Variants in CRYL1 observed in about 807,000 individuals in gnomAD.
The protein encoded by CRYL1 is lambda-crystallin homolog.
A neutral mutation model predicts 36.6 loss-of-function variants in CRYL1; 29 were observed. The observed-to-expected ratio is 0.79, with a 90% CI of 0.59 to 1.08. The LOEUF is 1.08. Among genes scored for constraint, CRYL1 ranks in the 50% least tolerant of loss-of-function variants. CRYL1 has a pLI of 0.00. For missense variants in CRYL1, 411 were observed against 407.9 expected, an observed-to-expected ratio of 1.01 and a Z score of -0.06; for synonymous variants, 152 against 151.5, an observed-to-expected ratio of 1.00 and a Z score of -0.02.
chr13:20,456,469 C>T (rs1246115180), intron 3 of CRYL1, among the ~76,000 whole-genome samples: 3 of 137,846 alleles, frequency 2.2e-5, no homozygotes, highest in African/African-American at 5.5e-5. Flanking sequence ...AGTGAGACTC[C>T]GTCTCAAAAC....
intron 3 of CRYL1, among the ~76,000 whole-genome samples, chr13:20,472,008 C>T (rs1424631977): frequency 6.6e-6 from 1 of 152,044 alleles, no homozygotes; most frequent in Non-Finnish European, 1.5e-5. Flanking sequence ...TTACAGGCGC[C>T]CACCAACATG....
chr13:20,460,162 C>A (rs2032777463), intron 3 of CRYL1, among the ~76,000 whole-genome samples: 1 of 152,124 alleles, frequency 6.6e-6, no homozygotes, highest in Non-Finnish European at 1.5e-5. Context: ...TTAACCATTT[C>A]TTTATCTGCA....
intron 3 of CRYL1, among the ~76,000 whole-genome samples, chr13:20,457,325 C>G (rs775676883): frequency 6.6e-6 from 1 of 152,160 alleles, no homozygotes; most frequent in Non-Finnish European, 1.5e-5. Flanking sequence ...TTGCCCTGTT[C>G]CAATTAATGG....
intron 5 of CRYL1, among the ~76,000 whole-genome samples, chr13:20,423,273 A>T (rs1398038807): frequency 1.3e-5 from 2 of 152,162 alleles, no homozygotes; most frequent in African/African-American, 4.8e-5. Flanking sequence ...TCTCTTGCCT[A>T]ATTGCTATGG....
At chr13:20,511,771 C>G (rs180804540) in intron 2 of CRYL1, among the ~76,000 whole-genome samples, 1 of 152,208 alleles carries the variant, frequency 6.6e-6, no homozygotes, top group African/African-American at 2.4e-5. Flanking sequence ...CTTCTGGGCA[C>G]GCTGCAATGG....
chr13:20,486,201 G>A (rs1565980094), intron 3 of CRYL1, among the ~76,000 whole-genome samples: 1 of 152,120 alleles, frequency 6.6e-6, no homozygotes, highest in Non-Finnish European at 1.5e-5. Context: ...GATTACAGGC[G>A]TGAGCCACCA....
At chr13:20,408,563 G>A (rs1029055625) in intron 6 of CRYL1, among the ~76,000 whole-genome samples, 2 of 152,132 alleles carry the variant, frequency 1.3e-5, no homozygotes, top group African/African-American at 4.8e-5. Flanking sequence ...GAAACTCTAG[G>A]TACCTGGTTC....
chr13:20,490,605 CAACTTA>C (rs571642925), intron 2 of CRYL1, among the ~76,000 whole-genome samples: 353 of 150,580 alleles, frequency 2.3e-3, no homozygotes, highest in Non-Finnish European at 4.4e-3. Context: ...CACTTTACCA[CAACTTA>C]AAATCTTAAT....
intron 6 of CRYL1, among the ~76,000 whole-genome samples, chr13:20,409,604 A>C (rs2031467126): frequency 6.6e-6 from 1 of 151,976 alleles, no homozygotes; most frequent in South Asian, 2.1e-4. Flanking sequence ...CAACCTACAA[A>C]ATGGGAGAAA....
At chr13:20,484,252 C>T (rs947585646) in intron 3 of CRYL1, among the ~76,000 whole-genome samples, 1 of 152,124 alleles carries the variant, frequency 6.6e-6, no homozygotes, top group African/African-American at 2.4e-5. Flanking sequence ...GTGCCACTGG[C>T]AAAAAGTCTG....
intron 6 of CRYL1, among the ~76,000 whole-genome samples, chr13:20,410,769 C>G (rs111864558): frequency 0.013 from 1,974 of 152,260 alleles, 42 homozygotes; most frequent in African/African-American, 0.045. Context: ...TCTCACACCA[C>G]CCTGAGGAAG....
chr13:20,431,739 C>T, intron 5 of CRYL1: 2 of 1,166,018 alleles, frequency 1.7e-6, no homozygotes, highest in Non-Finnish European at 1.1e-6. Flanking sequence ...AATTTTTTTC[C>T]TTTTGAAAAA....
At chr13:20,493,146 G>A (rs140730505) in intron 2 of CRYL1, among the ~76,000 whole-genome samples, 218 of 152,356 alleles carry the variant, frequency 1.4e-3, no homozygotes, top group African/African-American at 4.4e-3. Context: ...CTGAGCAGCC[G>A]CCAGCTGTGG....
rs527671393 is a variant in CRYL1 at position 20,482,764 on chromosome 13, T to C, written c.276+6606A>G. Among the ~76,000 whole-genome samples, 28 of 147,930 alleles carry C rather than the reference T, an allele frequency of 1.9e-4. No individual in the cohort carries two copies. The South Asian group carries it at 2.2e-3, about 11-fold the overall frequency. On this transcript the variant is annotated intron_variant, in intron 3 of 7. Transcript: ENST00000298248. The stretch of plus-strand genomic sequence containing the variant: ...CTGTGTGTGTGTGTGTGTGCGCGCG[T>C]GTGTGTGCGCACGCACACACGCGTC...
In CRYL1 at chr13:20,481,169, T is replaced by G. The variant is rs1218583166; in HGVS notation, c.276+8201A>C. Among the ~76,000 whole-genome samples, 2 of 152,216 alleles carry G rather than the reference T, an allele frequency of 1.3e-5. No individual in the cohort carries two copies. Among genetic ancestry groups the G allele is most frequent in the Non-Finnish European group, 2.9e-5 (2 of 68,042 alleles). On this transcript the variant is annotated intron_variant, in intron 3 of 7. Coordinates refer to ENST00000298248, the MANE Select transcript of CRYL1 (RefSeq NM_015974.3). This position sits in a 1 kb window ranked among gnomAD's most constrained non-coding sequence, Gnocchi z 4.1. ...CACTTCGCAAGTGAAAACTGAAGGCTCGTGCTTCCAGATGATCTCGTGAGT... is the reference window on the plus strand; with the variant it reads ...CACTTCGCAAGTGAAAACTGAAGGCGCGTGCTTCCAGATGATCTCGTGAGT...
At chr13:20,478,480 G>C in intron 3 of CRYL1, among the ~76,000 whole-genome samples, 1 of 151,984 alleles carries the variant, frequency 6.6e-6, no homozygotes, top group East Asian at 1.9e-4. Flanking sequence ...ATTTGGGTTT[G>C]TTTGTTTGTT....
intron 2 of CRYL1, among the ~76,000 whole-genome samples, chr13:20,508,848 C>CAAAAAAAAA (rs1179533995): frequency 2.9e-4 from 3 of 10,444 alleles, no homozygotes; most frequent in African/African-American, 9.6e-4. Flanking sequence ...AGCGAGACTC[C>CAAAAAAAAA]AAAAAAAAAA....
intron 5 of CRYL1, chr13:20,430,513 G>T (rs556610238): frequency 1.3e-5 from 13 of 985,234 alleles, no homozygotes; most frequent in Non-Finnish European, 1.6e-5. Flanking sequence ...GGTGGACATC[G>T]TGAGTCAGCA....
intron 3 of CRYL1, among the ~76,000 whole-genome samples, chr13:20,459,227 C>G (rs2032755271): frequency 7.6e-6 from 1 of 130,952 alleles, no homozygotes; most frequent in Non-Finnish European, 1.6e-5. Flanking sequence ...CAGAGCGAGA[C>G]TCCATCTCAA....
Sources: allele counts gnomAD v4.1 joint callset (sites outside exome capture counted in the v4.1 genomes callset), GRCh38; gene constraint gnomAD v4.1.1; non-coding constraint Gnocchi (gnomAD v3.1); transcripts MANE v1.5; gene names NCBI Gene and HGNC (gene_info 2026-07-23, HGNC 2026-07-21).